The following KCNMB2 variants were observed in gnomAD, a reference collection of about 807,000 sequenced individuals.
KCNMB2 encodes potassium calcium-activated channel subfamily M regulatory beta subunit 2, also known as calcium-activated potassium channel subunit beta-2.
In KCNMB2, 9 loss-of-function variants were observed where a neutral mutation model predicts 24.5. The observed-to-expected ratio is 0.37, with a 90% CI of 0.22 to 0.64. The LOEUF is 0.64. KCNMB2 is among the 30% of genes least tolerant of loss of function. The probability of loss-of-function intolerance (pLI) is 0.63; values close to 1 mark genes in which losing one functional copy is unlikely to be tolerated. For synonymous variants in KCNMB2, 109 were observed against 104.4 expected (o/e 1.04, Z -0.27); for missense variants, 226 against 284.3 (o/e 0.79, Z 1.47).
chr3:178,551,951 G>A (rs1477770), intron 1 of KCNMB2, among the ~76,000 whole-genome samples: 122,127 of 152,110 alleles, frequency 0.8, 49,675 homozygotes, highest in African/African-American at 0.95. Flanking sequence ...ACAAGCCCCA[G>A]GTGTGCAGGT....
chr3:178,709,183 T>A (rs1277444032), intron 1 of KCNMB2, among the ~76,000 whole-genome samples: 1 of 152,172 alleles, frequency 6.6e-6, no homozygotes, highest in African/African-American at 2.4e-5. Context: ...CACTTTTCAC[T>A]ACTCTGTTTC....
chr3:178,810,175 T>C (rs1714130499), intron 2 of KCNMB2, among the ~76,000 whole-genome samples: 2 of 152,232 alleles, frequency 1.3e-5, no homozygotes, highest in Admixed American at 6.5e-5. Context: ...TGATGGCTGA[T>C]AATTAATCTA....
At chr3:178,772,345 T>C (rs1489890922) in intron 1 of KCNMB2, among the ~76,000 whole-genome samples, 1 of 152,174 alleles carries the variant, frequency 6.6e-6, no homozygotes, top group African/African-American at 2.4e-5. Flanking sequence ...CATCTTGAAT[T>C]GTAATTCCGA....
intron 1 of KCNMB2, among the ~76,000 whole-genome samples, chr3:178,709,577 A>T (rs751126301): frequency 6.6e-6 from 1 of 152,186 alleles, no homozygotes; most frequent in Admixed American, 6.6e-5. Flanking sequence ...TAACTCAAAC[A>T]TCAGAAAGGG....
rs183067391 is a variant in KCNMB2 at position 178,638,731 on chromosome 3, G to A, written c.-68+102020G>A. Among the ~76,000 whole-genome samples the A allele has an allele frequency of 2.0e-3, 312 of 152,280 alleles. 2 individuals carry two copies. Among genetic ancestry groups the A allele is most frequent in the South Asian group, 9.3e-3 (45 of 4,824 alleles). On this transcript the variant is annotated intron_variant, in intron 1 of 4. Coordinates refer to ENST00000452583, the MANE Select transcript of KCNMB2 (RefSeq NM_181361.3). ...ACAGATATGAAAGAAATTACATTTTGACCAGGAAGTATTTTCTTAGATAGT... is the reference window on the plus strand; with the variant it reads ...ACAGATATGAAAGAAATTACATTTTAACCAGGAAGTATTTTCTTAGATAGT...
intron 1 of KCNMB2, among the ~76,000 whole-genome samples, chr3:178,727,244 G>T (rs977669192): frequency 6.6e-6 from 1 of 152,044 alleles, no homozygotes; most frequent in African/African-American, 2.4e-5. Flanking sequence ...ATCTGGTCAA[G>T]ATTCTCTTCC....
intron 1 of KCNMB2, among the ~76,000 whole-genome samples, chr3:178,647,045 A>T (rs557925357): frequency 1.3e-5 from 2 of 152,318 alleles, no homozygotes; most frequent in East Asian, 3.9e-4. Flanking sequence ...AAGTATGTTT[A>T]TATGTTGATT....
At chr3:178,820,119 A>G in intron 2 of KCNMB2, among the ~76,000 whole-genome samples, 1 of 152,368 alleles carries the variant, frequency 6.6e-6, no homozygotes, top group East Asian at 1.9e-4. Context: ...ACTATATTTA[A>G]AACAATACTC....
chr3:178,717,325 T>C (rs901668087), intron 1 of KCNMB2, among the ~76,000 whole-genome samples: 1 of 152,080 alleles, frequency 6.6e-6, no homozygotes, highest in Non-Finnish European at 1.5e-5. Context: ...ATTTCTAACC[T>C]CCTCAGATCC....
At chr3:178,684,565 C>T (rs1721391859) in intron 1 of KCNMB2, among the ~76,000 whole-genome samples, 1 of 152,146 alleles carries the variant, frequency 6.6e-6, no homozygotes, top group Admixed American at 6.5e-5. Context: ...TGGTGGCTCA[C>T]ACCTGTAATC....
rs1553833856 is a variant in KCNMB2, at chr3:178,679,059, T to TTTTG, written c.-67-128281_-67-128280insGTTT. Among the ~76,000 whole-genome samples, 512 of 148,610 alleles carry TTTTG rather than the reference T, an allele frequency of 3.4e-3. 3 individuals are homozygous for TTTTG. The highest frequency in any genetic ancestry group is 0.012 in the South Asian group (57 of 4,762). On this transcript the variant is annotated intron_variant, in intron 1 of 4. Coordinates refer to ENST00000452583, the MANE Select transcript of KCNMB2 (RefSeq NM_181361.3). ...TTGTTTGTTTTTTGTTTTGTTTTTG[T>TTTTG]TTTTTTTATTATACTTTAAGTTTTA...
At chr3:178,538,780 T>G (rs370188991) in intron 1 of KCNMB2, among the ~76,000 whole-genome samples, 146 of 152,358 alleles carry the variant, frequency 9.6e-4, no homozygotes, top group African/African-American at 3.3e-3. Flanking sequence ...GGTGCTTGTT[T>G]TTTTTTCTTT....
rs538456240 is a variant in KCNMB2, at chr3:178,747,456, C to T, written c.-67-59887C>T. ...TAGCAAAATGCCAGCCACTGTTCTA[C>T]GGGTTTATCATGTATTAATTAAAAT... On this transcript the variant is annotated intron_variant, in intron 1 of 4. Coordinates refer to ENST00000452583, the MANE Select transcript of KCNMB2 (RefSeq NM_181361.3). Among the ~76,000 whole-genome samples the T allele has an allele frequency of 7.6e-4, 116 of 152,280 alleles. 3 individuals carry two copies. Among genetic ancestry groups the T allele is most frequent in the Non-Finnish European group, 4.4e-4 (30 of 68,028 alleles).
intron 1 of KCNMB2, among the ~76,000 whole-genome samples, chr3:178,638,855 G>C (rs938551935): frequency 7.2e-5 from 11 of 152,122 alleles, no homozygotes; most frequent in African/African-American, 2.4e-4. Flanking sequence ...TTTTAAAATA[G>C]CATTAGTCAA....
intron 1 of KCNMB2, among the ~76,000 whole-genome samples, chr3:178,611,374 T>C (rs898662963): frequency 6.6e-6 from 1 of 152,090 alleles, no homozygotes; most frequent in Non-Finnish European, 1.5e-5. Context: ...TCTTAGTTTG[T>C]CCGGCTAAAG....
intron 1 of KCNMB2, among the ~76,000 whole-genome samples, chr3:178,774,559 A>G (rs1712504664): frequency 6.6e-6 from 1 of 152,062 alleles, no homozygotes; most frequent in Admixed American, 6.5e-5. Flanking sequence ...GGACTTGAGC[A>G]CTCTACTCTC....
intron 1 of KCNMB2, among the ~76,000 whole-genome samples, chr3:178,596,025 G>A (rs552281342): frequency 1.3e-5 from 2 of 152,168 alleles, no homozygotes; most frequent in South Asian, 4.1e-4. Flanking sequence ...CCCCAAGAAT[G>A]TGTCTGGACT....
chr3:178,618,358 A>C (rs1718789775), intron 1 of KCNMB2, among the ~76,000 whole-genome samples: 1 of 152,066 alleles, frequency 6.6e-6, no homozygotes, highest in African/African-American at 2.4e-5. Context: ...CATTTACATG[A>C]ATTTTTTATT....
At chr3:178,603,668 G>T (rs1043123777) in intron 1 of KCNMB2, among the ~76,000 whole-genome samples, 1 of 152,142 alleles carries the variant, frequency 6.6e-6, no homozygotes, top group African/African-American at 2.4e-5. Flanking sequence ...TGGGAGAGTT[G>T]AGACCATAGG....
Sources: allele counts gnomAD v4.1 joint callset (sites outside exome capture counted in the v4.1 genomes callset), GRCh38; gene constraint gnomAD v4.1.1; transcripts MANE v1.5; gene names NCBI Gene and HGNC (gene_info 2026-07-23, HGNC 2026-07-21).